ARHGEF37: variants seen among roughly 807,000 people sequenced by gnomAD.
ARHGEF37 encodes Rho guanine nucleotide exchange factor 37, also known as Rho guanine nucleotide exchange factor (GEF) 37.
In ARHGEF37, 55 loss-of-function variants were observed where a neutral mutation model predicts 71.1. That is an observed-to-expected ratio of 0.77 (90% CI 0.62 to 0.97). The LOEUF (loss-of-function observed/expected upper bound fraction) is 0.97. ARHGEF37 is among the 50% of genes least tolerant of loss of function. The pLI is 0.00. For missense variants in ARHGEF37, 765 were observed against 836.8 expected (o/e 0.91, Z 1.06); for synonymous variants, 327 against 350.6 (o/e 0.93, Z 0.75).
At position 149,609,634 on chromosome 5, in the gene ARHGEF37, G is replaced by A; in HGVS notation, c.397G>A (p.Asp133Asn). The A allele has an allele frequency of 1.9e-6, 3 of 1,613,280 alleles. No individual in the cohort carries two copies. The highest frequency in any genetic ancestry group is 2.5e-6 in the Non-Finnish European group (3 of 1,180,052). The change falls in exon 4 of 13, where the codon GAC becomes AAC. Residue 133 changes from aspartate to asparagine, a missense_variant. Asp to Asn is a conservative substitution (Grantham distance 23). Transcript: ENST00000333677. ...CTACGACCAGGCCTTGCTACTGGTG[G>A]ACACGTACCGGAAGGAGCCGGAGCT... ...ASYDQALLLV[D>N]TYRKEPELQR...
chr5:149,602,181 C>A lies in ARHGEF37; in HGVS notation c.310+950C>A, dbSNP rs182795085. Among the ~76,000 whole-genome samples, 486 of 151,784 alleles carry A rather than the reference C, an allele frequency of 3.2e-3. 4 individuals carry two copies. The highest frequency in any genetic ancestry group is 0.011 in the African/African-American group (468 of 41,380). On this transcript the variant is annotated intron_variant, in intron 3 of 12. Transcript: ENST00000333677. ...AAGCAATTCTCCTGCCTCAGCCTCC[C>A]GAGTAGCTGAGACTACAAGCGTGCG...
intron 1 of ARHGEF37, among the ~76,000 whole-genome samples, chr5:149,566,211 T>C (rs1258205467): frequency 5.9e-5 from 9 of 151,314 alleles, no homozygotes; most frequent in African/African-American, 2.2e-4. Context: ...AAAAACCCTA[T>C]GTGGGACAGG....
chr5:149,597,281 A>C (rs976355035), intron 1 of ARHGEF37, among the ~76,000 whole-genome samples: 5 of 152,132 alleles, frequency 3.3e-5, no homozygotes, highest in South Asian at 4.2e-4. Flanking sequence ...TTTTTTTGTA[A>C]GAATCTTGCT....
At chr5:149,578,546 T>C (rs1473666551), upstream of ARHGEF37, among the ~76,000 whole-genome samples, 1 of 152,206 alleles carries the variant, frequency 6.6e-6, no homozygotes, top group African/African-American at 2.4e-5. Flanking sequence ...GCACCTACTA[T>C]GCACAAGGCA....
At chr5:149,614,901 T>C (rs556767033) in intron 4 of ARHGEF37, among the ~76,000 whole-genome samples, 16 of 152,186 alleles carry the variant, frequency 1.1e-4, no homozygotes, top group Middle Eastern at 3.4e-3. Context: ...CTGAGCAGCA[T>C]TGGTTGAGTC....
At chr5:149,558,614 C>T (rs1269863860) in intron 1 of ARHGEF37, among the ~76,000 whole-genome samples, 1 of 151,830 alleles carries the variant, frequency 6.6e-6, no homozygotes, top group Non-Finnish European at 1.5e-5. Context: ...CCTCGGCCTC[C>T]TAAAGTGCTG....
At chr5:149,580,193 T>C (rs1421105814), upstream of ARHGEF37, among the ~76,000 whole-genome samples, 1 of 152,072 alleles carries the variant, frequency 6.6e-6, no homozygotes, top group Non-Finnish European at 1.5e-5. Flanking sequence ...CCCAAGCAGC[T>C]GGGATTACAG....
intron 4 of ARHGEF37, among the ~76,000 whole-genome samples, chr5:149,615,262 C>T (rs1752341275): frequency 6.6e-6 from 1 of 151,460 alleles, no homozygotes; most frequent in South Asian, 2.1e-4. Context: ...TTAAGCAATC[C>T]TCCTGCCTTA....
intron 1 of ARHGEF37, among the ~76,000 whole-genome samples, chr5:149,569,851 C>T (rs535874255): frequency 6.6e-6 from 1 of 152,236 alleles, no homozygotes; most frequent in East Asian, 1.9e-4. Flanking sequence ...CAACTCCTGA[C>T]CTCAGATGAT....
In ARHGEF37 at chr5:149,621,929, T is replaced by C. The variant is rs1329877073; in HGVS notation, c.1202T>C (p.Leu401Pro). The change falls in exon 9 of 13, where the codon CTG becomes CCG. Residue 401 changes from leucine to proline, a missense_variant. Leu to Pro is a moderately conservative substitution (Grantham distance 98, BLOSUM62 -3). Around this residue, in one of 5 missense-constraint regions of ARHGEF37, gnomAD observed 390 missense variants for 407.4 expected, o/e 0.96. Transcript: ENST00000333677. ...CACACATACCAGGCACTCAACTCGCTGCTAGTGGCTGAGCTCCCACAGTTT... is the reference window on the plus strand; with the variant it reads ...CACACATACCAGGCACTCAACTCGCCGCTAGTGGCTGAGCTCCCACAGTTT... ...ARHTYQALNS[L>P]LVAELPQFNQ... is the part of the protein sequence containing the mutation. 1 of 1,614,250 alleles carries C rather than the reference T, an allele frequency of 6.2e-7. No individual in the cohort carries two copies. The highest frequency in any genetic ancestry group is 8.5e-7 in the Non-Finnish European group (1 of 1,180,042).
At chr5:149,558,126 C>T (rs1762778156) in intron 1 of ARHGEF37, among the ~76,000 whole-genome samples, 1 of 152,132 alleles carries the variant, frequency 6.6e-6, no homozygotes, top group Non-Finnish European at 1.5e-5. Context: ...CCTGACTTGG[C>T]CTCCCAAAGT....
intron 10 of ARHGEF37, among the ~76,000 whole-genome samples, chr5:149,625,905 G>A (rs1440767160): frequency 6.6e-6 from 1 of 152,148 alleles, no homozygotes; most frequent in Non-Finnish European, 1.5e-5. Flanking sequence ...CCCTCCCAGG[G>A]GTGACGCTGT....
chr5:149,587,708 A>C (rs1294180794), intron 1 of ARHGEF37, among the ~76,000 whole-genome samples: 1 of 152,112 alleles, frequency 6.6e-6, no homozygotes, highest in African/African-American at 2.4e-5. Context: ...GATAGTAGGG[A>C]TGGGACTTTG....
intron 2 of ARHGEF37, among the ~76,000 whole-genome samples, chr5:149,598,635 AG>A (rs1168097220): frequency 6.6e-6 from 1 of 151,298 alleles, no homozygotes; most frequent in African/African-American, 2.4e-5. Context: ...TGCCTTTCCT[AG>A]TACCAAAAAT....
chr5:149,624,420 G>A (rs182377738), intron 10 of ARHGEF37, among the ~76,000 whole-genome samples: 5 of 152,304 alleles, frequency 3.3e-5, no homozygotes, highest in Non-Finnish European at 2.9e-5. Flanking sequence ...GAAATTAGAC[G>A]TAATGATGGG....
In ARHGEF37 at chr5:149,592,039, G is replaced by A. The variant is rs1295096771; in HGVS notation, c.-11-5720G>A. On this transcript the variant is annotated intron_variant, in intron 1 of 12. Coordinates refer to ENST00000333677, the MANE Select transcript of ARHGEF37 (RefSeq NM_001001669.3). ...TGAAATAATTATACATCAAGGTGAG[G>A]TTGCAACAATAGCAAAGGGAGGCCC... is the stretch of plus-strand genomic sequence containing the variant. Among the ~76,000 whole-genome samples, 9 of 152,134 alleles carry A rather than the reference G, an allele frequency of 5.9e-5. No homozygotes were observed. In the East Asian group the frequency reaches 1.7e-3, roughly 29 times the overall value.
intron 1 of ARHGEF37, among the ~76,000 whole-genome samples, chr5:149,582,968 C>G (rs1371491535): frequency 4.6e-5 from 7 of 152,114 alleles, no homozygotes; most frequent in African/African-American, 7.2e-5. Context: ...ACACCACATA[C>G]CTTCGTGATG....
intron 3 of ARHGEF37, among the ~76,000 whole-genome samples, chr5:149,603,414 C>T (rs1027493646): frequency 2.0e-5 from 3 of 152,100 alleles, no homozygotes; most frequent in African/African-American, 4.8e-5. Context: ...TGCTTAGTCA[C>T]GCAGCTAGGG....
At chr5:149,579,189 A>T (rs1435617518), upstream of ARHGEF37, among the ~76,000 whole-genome samples, 1 of 152,232 alleles carries the variant, frequency 6.6e-6, no homozygotes, top group Non-Finnish European at 1.5e-5. Flanking sequence ...AAAGTAAAAC[A>T]TGTAAAGCAG....
Sources: gnomAD v4.1 joint callset for allele counts (sites outside exome capture counted in the v4.1 genomes callset) on GRCh38, gnomAD v4.1.1 for gene constraint, gnomAD v4.1.1 regional missense constraint, MANE v1.5 for transcripts, NCBI Gene and HGNC (gene_info 2026-07-23, HGNC 2026-07-21) for gene names.